The following ZDHHC15 variants were observed in gnomAD, a reference collection of about 807,000 sequenced individuals.
ZDHHC15 encodes palmitoyltransferase ZDHHC15.
In ZDHHC15, 19 loss-of-function variants were observed where a neutral mutation model predicts 31.7. That is an observed-to-expected ratio of 0.60 (90% CI 0.42 to 0.88). The LOEUF is 0.88. ZDHHC15 is among the 40% of genes least tolerant of loss of function. The probability of loss-of-function intolerance (pLI) is 0.00; values close to 1 mark genes in which losing one functional copy is unlikely to be tolerated. For missense variants in ZDHHC15, 209 were observed against 251.2 expected (o/e 0.83, Z 1.14); for synonymous variants, 103 against 90.0 (o/e 1.14, Z -0.82).
intron 10 of ZDHHC15, among the ~76,000 whole-genome samples, chrX:75,404,278 A>T (rs878967273): frequency 8.9e-6 from 1 of 112,303 alleles, no homozygotes; most frequent in Non-Finnish European, 1.9e-5. Flanking sequence ...AAAACCCAGG[A>T]AGACAATCTA....
chrX:75,518,608 C>A (rs1041349013), intron 1 of ZDHHC15, among the ~76,000 whole-genome samples: 2 of 106,511 alleles, frequency 1.9e-5, no homozygotes, highest in African/African-American at 6.8e-5. Context: ...AATTACCATA[C>A]AGTCCAATTA....
intron 10 of ZDHHC15, among the ~76,000 whole-genome samples, chrX:75,385,713 C>T (rs949253659): frequency 9.0e-6 from 1 of 111,212 alleles, no homozygotes; most frequent in African/African-American, 3.3e-5. Context: ...TTTCCTTTTA[C>T]CTTTGGCCTC....
intron 3 of ZDHHC15, among the ~76,000 whole-genome samples, chrX:75,451,795 A>AT (rs979444612): frequency 1.8e-5 from 2 of 111,433 alleles, no homozygotes; most frequent in African/African-American, 6.5e-5. Flanking sequence ...TAGAAGTCTA[A>AT]TTTTTGAATT....
chrX:75,379,453 A>C (rs2083092366), intron 10 of ZDHHC15, among the ~76,000 whole-genome samples: 1 of 112,143 alleles, frequency 8.9e-6, no homozygotes, highest in Non-Finnish European at 1.9e-5. Context: ...ATTTGACTTA[A>C]ATAGCTATGA....
At chrX:75,508,261 C>T (rs1294091032) in intron 1 of ZDHHC15, among the ~76,000 whole-genome samples, 2 of 105,934 alleles carry the variant, frequency 1.9e-5, no homozygotes, top group South Asian at 9.2e-4. Flanking sequence ...TCGTCATTTA[C>T]ATTAGGTATA....
chrX:75,493,550 G>C (rs949514524), intron 2 of ZDHHC15, among the ~76,000 whole-genome samples: 3 of 111,546 alleles, frequency 2.7e-5, no homozygotes, highest in Non-Finnish European at 5.6e-5. Context: ...ACTGGCAAAT[G>C]GAATCCAGCA....
chrX:75,373,476 CTATT>C (rs1184266762), intron 11 of ZDHHC15, among the ~76,000 whole-genome samples: 1 of 110,701 alleles, frequency 9.0e-6, no homozygotes, highest in African/African-American at 3.3e-5. Context: ...CCTCAAGTAG[CTATT>C]TGTTTAAGCT....
At chrX:75,401,265 A>C (rs1008183901) in intron 10 of ZDHHC15, among the ~76,000 whole-genome samples, 3 of 111,315 alleles carry the variant, frequency 2.7e-5, no homozygotes, top group Non-Finnish European at 3.8e-5. Flanking sequence ...CAAAAAAAAA[A>C]AAAGAAAAGA....
intron 4 of ZDHHC15, among the ~76,000 whole-genome samples, chrX:75,442,755 G>A (rs370070917): frequency 9.0e-6 from 1 of 110,585 alleles, no homozygotes. Context: ...GGGAGGCCGA[G>A]GCGGGTGGAT....
chrX:75,453,924 C>T (rs897288534), intron 3 of ZDHHC15, among the ~76,000 whole-genome samples: 4 of 111,450 alleles, frequency 3.6e-5, no homozygotes, highest in African/African-American at 1.3e-4. Context: ...AAACCCACAG[C>T]CAGTATCATA....
chrX:75,400,377 T>A (rs1319604184), intron 10 of ZDHHC15, among the ~76,000 whole-genome samples: 1 of 110,858 alleles, frequency 9.0e-6, no homozygotes, highest in Non-Finnish European at 1.9e-5. Flanking sequence ...GAGGAAAGAA[T>A]CTCAGAACTT....
chrX:75,462,530 A>T (rs945379708), intron 3 of ZDHHC15, among the ~76,000 whole-genome samples: 1 of 112,323 alleles, frequency 8.9e-6, no homozygotes, highest in African/African-American at 3.2e-5. Flanking sequence ...CGGAAGTAAA[A>T]CACTCCTCAG....
intron 4 of ZDHHC15, among the ~76,000 whole-genome samples, chrX:75,437,680 C>G (rs1357049759): frequency 9.4e-6 from 1 of 106,095 alleles, no homozygotes; most frequent in Admixed American, 1.0e-4. Flanking sequence ...TTAATCCAGT[C>G]TATCATTGTT....
chrX:75,501,979 A>G (rs1055309874), intron 2 of ZDHHC15: 6 of 111,485 alleles, frequency 5.4e-5, no homozygotes, highest in African/African-American at 2.0e-4. Context: ...CCATTTGCCA[A>G]TTTTTGCTTT....
At position 75,369,736 on chromosome X, in the gene ZDHHC15, T is replaced by C. The variant is rs2082989562; in HGVS notation, c.*3242A>G. 8.9e-6 allele frequency: 1 copy of C among 111,913 alleles called. No homozygotes were observed. Among genetic ancestry groups the C allele is most frequent in the Non-Finnish European group, 1.9e-5 (1 of 53,233 alleles). 9.2% of individuals were successfully genotyped at this position (111,913 alleles called of 1,213,427 possible). On this transcript the variant is annotated 3_prime_UTR_variant, in exon 12 of 12. Coordinates refer to ENST00000373367, the MANE Select transcript of ZDHHC15 (RefSeq NM_144969.3). ...CTTATCACATAGAAAGTAAGAGTTGTACAAATTGCATACTTTTCAGATTTT... is the reference window on the plus strand; with the variant it reads ...CTTATCACATAGAAAGTAAGAGTTGCACAAATTGCATACTTTTCAGATTTT...
intron 10 of ZDHHC15, among the ~76,000 whole-genome samples, chrX:75,394,386 G>GT (rs2147783244): frequency 9.1e-6 from 1 of 109,484 alleles, no homozygotes; most frequent in East Asian, 2.9e-4. Context: ...AACATTGAAT[G>GT]TAAATGGAGT....
intron 1 of ZDHHC15, among the ~76,000 whole-genome samples, chrX:75,517,300 C>A (rs1056573813): frequency 9.0e-6 from 1 of 110,793 alleles, no homozygotes; most frequent in African/African-American, 3.3e-5. Flanking sequence ...ATGTTTATTG[C>A]GGCACTATTC....
At chrX:75,373,110 A>T (rs2083018891) in intron 11 of ZDHHC15, among the ~76,000 whole-genome samples, 165 bp from the exon 12 acceptor site, 1 of 111,781 alleles carries the variant, frequency 8.9e-6, no homozygotes. Context: ...AAAATTATAT[A>T]TACAATGCTA....
intron 1 of ZDHHC15, among the ~76,000 whole-genome samples, chrX:75,519,550 A>C (rs1256626175): frequency 8.9e-6 from 1 of 112,089 alleles, no homozygotes; most frequent in Non-Finnish European, 1.9e-5. Context: ...AAACTCTAAG[A>C]ATTAAAGGAC....
Sources: gnomAD v4.1 joint callset for allele counts (sites outside exome capture counted in the v4.1 genomes callset) on GRCh38, gnomAD v4.1.1 for gene constraint, MANE v1.5 for transcripts, NCBI Gene and HGNC (gene_info 2026-07-23, HGNC 2026-07-21) for gene names.